Variants in MAGI2 observed in about 807,000 individuals in gnomAD.
MAGI2 encodes membrane-associated guanylate kinase, WW and PDZ domain-containing protein 2.
A neutral mutation model predicts 133.3 loss-of-function variants in MAGI2; 35 were observed. That is an observed-to-expected ratio of 0.26 (90% CI 0.20 to 0.35). The LOEUF is 0.35. Ranked by LOEUF, MAGI2 falls within the 10% of genes least tolerant of loss-of-function variation. The pLI is 1.00. For synonymous variants in MAGI2, 729 were observed against 710.6 expected (o/e 1.03, Z -0.41); for missense variants, 1,636 against 1,863.4 (o/e 0.88, Z 2.25).
chr7:78,499,088 A>C (rs564466946), intron 5 of MAGI2, among the ~76,000 whole-genome samples: 64 of 144,166 alleles, frequency 4.4e-4, no homozygotes, highest in Non-Finnish European at 7.3e-4. Flanking sequence ...ACAACAACAA[A>C]ATGCCACTCC....
At chr7:78,983,651 C>G (rs186260570) in intron 2 of MAGI2, among the ~76,000 whole-genome samples, 221 of 152,068 alleles carry the variant, frequency 1.5e-3, no homozygotes, top group Non-Finnish European at 2.2e-3. Context: ...AATACTTGCC[C>G]TCTAATAGTT....
chr7:78,244,937 G>A (rs893320555), intron 10 of MAGI2, among the ~76,000 whole-genome samples: 5 of 152,292 alleles, frequency 3.3e-5, no homozygotes, highest in African/African-American at 1.2e-4. Context: ...AATCTTAAAT[G>A]GAAGGCCAGT....
intron 1 of MAGI2, among the ~76,000 whole-genome samples, chr7:79,083,256 C>T (rs1338166642): frequency 6.7e-6 from 1 of 148,802 alleles, no homozygotes; most frequent in Non-Finnish European, 1.5e-5. Context: ...TGTCTTGTTA[C>T]TGATTTAAGG....
At chr7:79,204,361 G>A (rs1230316127) in intron 1 of MAGI2, among the ~76,000 whole-genome samples, 1 of 152,052 alleles carries the variant, frequency 6.6e-6, no homozygotes, top group East Asian at 1.9e-4. Flanking sequence ...GCCTCAGTGG[G>A]CCTGGGCTTC....
intron 1 of MAGI2, among the ~76,000 whole-genome samples, chr7:79,136,291 G>T (rs1019210598): frequency 6.6e-6 from 1 of 152,142 alleles, no homozygotes; most frequent in African/African-American, 2.4e-5. Flanking sequence ...TACTTACCTA[G>T]GGCCAAGAAA....
chr7:78,782,614 A>G (rs1826487427), intron 2 of MAGI2, among the ~76,000 whole-genome samples: 1 of 152,152 alleles, frequency 6.6e-6, no homozygotes, highest in African/African-American at 2.4e-5. Context: ...GGGAACATCA[A>G]TAGTTGAGAA....
intron 9 of MAGI2, among the ~76,000 whole-genome samples, chr7:78,311,360 T>C (rs917552135): frequency 6.6e-6 from 1 of 152,194 alleles, no homozygotes; most frequent in Non-Finnish European, 1.5e-5. Flanking sequence ...GTGTGGTCCA[T>C]ATCATTAAAT....
At chr7:78,635,691 C>T (rs1318979369) in intron 2 of MAGI2, among the ~76,000 whole-genome samples, 1 of 152,174 alleles carries the variant, frequency 6.6e-6, no homozygotes, top group Non-Finnish European at 1.5e-5. Flanking sequence ...GCTAGGGTGA[C>T]TTCCTCTGTA....
At chr7:78,671,019 T>G (rs946181322) in intron 2 of MAGI2, among the ~76,000 whole-genome samples, 8 of 152,284 alleles carry the variant, frequency 5.3e-5, no homozygotes, top group African/African-American at 1.9e-4. Context: ...AATTTAACAT[T>G]GATCAACTGA....
chr7:78,857,922 AT>A (rs549878006), intron 2 of MAGI2, among the ~76,000 whole-genome samples: 23 of 152,256 alleles, frequency 1.5e-4, no homozygotes, highest in African/African-American at 5.5e-4. Context: ...CATTGCCTCA[AT>A]TTCAGAACCT....
intron 1 of MAGI2, among the ~76,000 whole-genome samples, chr7:79,442,566 T>C: frequency 6.6e-6 from 1 of 151,776 alleles, no homozygotes; most frequent in South Asian, 2.1e-4. Context: ...GAGCAAAGCA[T>C]AGGAACTTCC....
intron 2 of MAGI2, among the ~76,000 whole-genome samples, chr7:78,928,983 T>G (rs1318581916): frequency 6.6e-6 from 1 of 152,060 alleles, no homozygotes; most frequent in Admixed American, 6.6e-5. Context: ...TAAATGCTAA[T>G]AGTTTTGTTA....
chr7:79,081,731 G>C (rs2129541907), intron 1 of MAGI2, among the ~76,000 whole-genome samples: 1 of 152,106 alleles, frequency 6.6e-6, no homozygotes, highest in Non-Finnish European at 1.5e-5. Context: ...GTATCAAGAG[G>C]GGATAATATT....
At chr7:79,033,991 T>C (rs1810878384) in intron 1 of MAGI2, among the ~76,000 whole-genome samples, 1 of 152,192 alleles carries the variant, frequency 6.6e-6, no homozygotes, top group African/African-American at 2.4e-5. Context: ...ACTATTAATT[T>C]TTAGTATATT....
intron 1 of MAGI2, among the ~76,000 whole-genome samples, chr7:79,397,039 C>A (rs1161548549): frequency 6.6e-6 from 1 of 151,604 alleles, no homozygotes; most frequent in East Asian, 1.9e-4. Flanking sequence ...TCTTACTTTT[C>A]CAATAATGTT....
At chr7:78,359,234 G>A (rs1401897840) in intron 7 of MAGI2, 3 of 152,132 alleles carry the variant, frequency 2.0e-5, no homozygotes, top group East Asian at 1.9e-4. Context: ...GCCCCGCCTC[G>A]TGAAAGGGGC....
chr7:78,398,214 G>C (rs1425822280), intron 6 of MAGI2, among the ~76,000 whole-genome samples: 1 of 152,152 alleles, frequency 6.6e-6, no homozygotes, highest in African/African-American at 2.4e-5. Flanking sequence ...CAGCAGCATT[G>C]ACTCAGTTGA....
At chr7:78,183,250 TTATTTTTG>T (rs1289606917) in intron 13 of MAGI2, among the ~76,000 whole-genome samples, 1 of 151,196 alleles carries the variant, frequency 6.6e-6, no homozygotes, top group Non-Finnish European at 1.5e-5. Flanking sequence ...TTATTTTATC[TTATTTTTG>T]TATTTTTGTA....
chr7:78,096,251 T>C (rs556505091), intron 20 of MAGI2, among the ~76,000 whole-genome samples: 2 of 152,310 alleles, frequency 1.3e-5, no homozygotes, highest in South Asian at 4.1e-4. Context: ...GAGTCCTTGG[T>C]TTGCACCTTA....
Sources: gnomAD v4.1 joint callset for allele counts (sites outside exome capture counted in the v4.1 genomes callset) on GRCh38, gnomAD v4.1.1 for gene constraint, MANE v1.5 for transcripts, NCBI Gene and HGNC (gene_info 2026-07-23, HGNC 2026-07-21) for gene names.